Variants in AP3B2 observed in about 807,000 individuals in gnomAD.
AP3B2 encodes the protein adaptor related protein complex 3 subunit beta 2, also known as AP-3 complex subunit beta-2.
A neutral mutation model predicts 126.9 loss-of-function variants in AP3B2; 50 were observed. That is an observed-to-expected ratio of 0.39 (90% confidence interval 0.31 to 0.50). The LOEUF (loss-of-function observed/expected upper bound fraction) is 0.50. AP3B2 is among the 20% of genes least tolerant of loss of function. AP3B2 has a pLI of 0.79. For missense variants in AP3B2, 1,177 were observed against 1,426.4 expected (o/e 0.83, Z 2.82); for synonymous variants, 541 against 565.0 (o/e 0.96, Z 0.60).
chr15:82,690,361 G>A (rs1001143423), intron 1 of AP3B2, among the ~76,000 whole-genome samples: 15 of 151,412 alleles, frequency 9.9e-5, no homozygotes, highest in East Asian at 5.8e-4. Context: ...CCATTAATTC[G>A]TCATTTACAT....
intron 1 of AP3B2, among the ~76,000 whole-genome samples, chr15:82,700,953 C>T (rs574883095): frequency 7.2e-5 from 11 of 151,748 alleles, no homozygotes; most frequent in South Asian, 2.1e-4. Flanking sequence ...CTCCACCTCC[C>T]GGGTTCATGT....
chr15:82,673,903 T>G (rs2048199633), intron 14 of AP3B2, among the ~76,000 whole-genome samples: 2 of 152,226 alleles, frequency 1.3e-5, no homozygotes, highest in Non-Finnish European at 2.9e-5. Flanking sequence ...CAGACCCTCC[T>G]GCCACACATC....
rs892974414 is a variant in AP3B2 at position 82,659,303 on chromosome 15, G to T, written c.*257C>A. The T allele has an allele frequency of 1.8e-5, 8 of 433,770 alleles. No homozygotes were observed. Among genetic ancestry groups the T allele is most frequent in the African/African-American group, 1.6e-4 (8 of 50,774 alleles). 26.9% of individuals were successfully genotyped at this position (433,770 alleles called of 1,614,324 possible). ...AGCTAGAGAGAAGACATTTTATTGA[G>T]CCTGCTACATAAATAGCTACAGAAA... On this transcript the variant is annotated 3_prime_UTR_variant, in exon 27 of 27. Coordinates refer to ENST00000535359, the MANE Select transcript of AP3B2 (RefSeq NM_001278512.2).
chr15:82,677,955 T>A, intron 11 of AP3B2, 150 bp downstream of exon 11: 1 of 1,351,388 alleles, frequency 7.4e-7, no homozygotes, highest in Non-Finnish European at 1.0e-6. Flanking sequence ...CAGTGATTCC[T>A]TGGCCCAAAG....
intron 1 of AP3B2, among the ~76,000 whole-genome samples, chr15:82,690,253 CT>C (rs544208906): frequency 4.4e-4 from 64 of 145,570 alleles, no homozygotes; most frequent in Admixed American, 1.6e-3. Context: ...AATTACTAAA[CT>C]TTTTTTTTTT....
chr15:82,700,310 C>T (rs1002027559), intron 1 of AP3B2, among the ~76,000 whole-genome samples: 6 of 151,524 alleles, frequency 4.0e-5, no homozygotes, highest in African/African-American at 1.5e-4. Context: ...CCCGCAACCC[C>T]TGTGTCTATC....
At position 82,665,201 on chromosome 15, in the gene AP3B2, C is replaced by T; in HGVS notation, c.2028+46G>A. On this transcript the variant is annotated intron_variant, in intron 17 of 26. Transcript: ENST00000535359. This position sits in a 1 kb window ranked among gnomAD's most constrained non-coding sequence, Gnocchi z 4.4. Reference sequence around the variant, plus strand: ...ACAACACACAGGGGAAGAAGAGGGACACAGACAGGGCAGGGGAGAGAGCAC... The same window carrying T: ...ACAACACACAGGGGAAGAAGAGGGATACAGACAGGGCAGGGGAGAGAGCAC... The T allele has an allele frequency of 6.6e-7, 1 of 1,524,076 alleles. No homozygotes were observed. The highest frequency in any genetic ancestry group is 8.8e-7 in the Non-Finnish European group (1 of 1,135,494). The allele number at this position is 1,524,076 out of a possible 1,614,324, so 94.4% of individuals were successfully genotyped here.
At chr15:82,672,144 T>C (rs2048169805) in intron 14 of AP3B2, among the ~76,000 whole-genome samples, 1 of 152,244 alleles carries the variant, frequency 6.6e-6, no homozygotes, top group Non-Finnish European at 1.5e-5. Context: ...ATTGAAGTTA[T>C]ATCTGCACAC....
intron 1 of AP3B2, among the ~76,000 whole-genome samples, chr15:82,708,291 A>C (rs757767847): frequency 3.5e-5 from 5 of 144,290 alleles, no homozygotes; most frequent in Non-Finnish European, 6.0e-5. Context: ...GTCCCACCCC[A>C]TTTCCCTTCG....
At chr15:82,666,611 AAGG>A in intron 15 of AP3B2, 133 bp downstream of exon 15, 2 of 942,004 alleles carry the variant, frequency 2.1e-6, no homozygotes, top group Non-Finnish European at 1.5e-6. Flanking sequence ...GGAGGGACAA[AAGG>A]AGTGAGCCAG....
At chr15:82,688,578 T>A (rs1199406695) in intron 4 of AP3B2, 158 bp downstream of exon 4, 1 of 733,506 alleles carries the variant, frequency 1.4e-6, no homozygotes, top group Non-Finnish European at 2.4e-6. Context: ...TCTCTGAGGG[T>A]CTGGCTGGCC....
intron 4 of AP3B2, among the ~76,000 whole-genome samples, chr15:82,682,470 A>C (rs1464224884): frequency 1.3e-5 from 2 of 152,178 alleles, no homozygotes; most frequent in Admixed American, 1.3e-4. Flanking sequence ...AGCAGCAGCT[A>C]TATATTACAG....
At position 82,697,008 on chromosome 15, in the gene AP3B2, A is replaced by C. The variant is rs2048638951; in HGVS notation, c.114-7555T>G. 2.0e-5 allele frequency among the ~76,000 whole-genome samples: 3 copies of C among 152,188 alleles called. No individual in the cohort carries two copies. In the South Asian group the frequency reaches 6.2e-4, roughly 32 times the overall value. ...CCACAGCTTTGACCCAGGCACAAGA[A>C]CCCAGCTTGAGAAATATCACAGTGA... On this transcript the variant is annotated intron_variant, in intron 1 of 26. Transcript: ENST00000535359.
chr15:82,696,877 T>C (rs1243813210), intron 1 of AP3B2, among the ~76,000 whole-genome samples: 1 of 152,194 alleles, frequency 6.6e-6, no homozygotes, highest in Non-Finnish European at 1.5e-5. Context: ...GATAGAATTG[T>C]GTGAAACTGA....
Position 82,680,385 on chromosome 15 carries a change from G to C in AP3B2, c.1055+87C>G, listed in dbSNP as rs1168214333. On this transcript the variant is annotated intron_variant, in intron 8 of 26. Coordinates refer to ENST00000535359, the MANE Select transcript of AP3B2 (RefSeq NM_001278512.2). The surrounding 1 kb of genome is among the most constrained non-coding windows in gnomAD (Gnocchi z 6.1). ...GAGCGGGTGGGCAGAGGTGGAAGCGGCTGGTGGGCGTGAGGGGGCGGAGCC... is the reference window on the plus strand; with the variant it reads ...GAGCGGGTGGGCAGAGGTGGAAGCGCCTGGTGGGCGTGAGGGGGCGGAGCC... 1 of 1,453,712 alleles carries C rather than the reference G, an allele frequency of 6.9e-7. No homozygotes were observed. Among genetic ancestry groups the C allele is most frequent in the South Asian group, 1.4e-5 (1 of 73,646 alleles). 90.1% of individuals were successfully genotyped at this position (1,453,712 alleles called of 1,614,324 possible).
rs367638774 is a variant in AP3B2, at chr15:82,659,602, G to C, written c.3264C>G (p.Gly1088=). 1.2e-6 allele frequency: 2 copies of C among 1,613,932 alleles called. No homozygotes were observed. The highest frequency in any genetic ancestry group is 1.7e-6 in the Non-Finnish European group (2 of 1,179,878). Residue 1088 remains glycine, a synonymous_variant, in exon 27 of 27, where the codon GGC becomes GGG. Transcript: ENST00000535359. Reference sequence around the variant, plus strand: ...GTATCACATCCTTTACCAGCATGGTGCCAATCACCATTTTCTCGCTGTTGA... The same window carrying C: ...GTATCACATCCTTTACCAGCATGGTCCCAATCACCATTTTCTCGCTGTTGA... ...LTVNSEKMVI[G]TMLVKDVIQA...
chr15:82,663,735 C>T (rs1189563736), intron 20 of AP3B2, 66 bp downstream of exon 20: 1 of 1,597,532 alleles, frequency 6.3e-7, no homozygotes, highest in Non-Finnish European at 8.5e-7. Context: ...ATGTCTGGGC[C>T]TGGCCCAGAG....
Position 82,664,309 on chromosome 15 carries a change from C to G in AP3B2, c.2261+58G>C. The G allele has an allele frequency of 6.2e-7, 1 of 1,610,996 alleles. No individual in the cohort carries two copies. The highest frequency in any genetic ancestry group is 1.7e-5 in the Admixed American group (1 of 60,004). ...AGACTGGCTAAAGCTCAATGCTAGC[C>G]CTCTTTCCAGGAAAGCCCCCTGAAC... On this transcript the variant is annotated intron_variant, in intron 19 of 26. Transcript: ENST00000535359. The surrounding 1 kb of genome is among the most constrained non-coding windows in gnomAD (Gnocchi z 4.5).
At position 82,663,113 on chromosome 15, in the gene AP3B2, T is replaced by G. The variant is rs770329227; in HGVS notation, c.2604+14A>C. Reference sequence around the variant, plus strand: ...TCCCTGCCCCAGCCCGGTCCCCTCCTCCATCCCACTCACCGACGGTACCAG... The same window carrying G: ...TCCCTGCCCCAGCCCGGTCCCCTCCGCCATCCCACTCACCGACGGTACCAG... On this transcript the variant is annotated intron_variant, in intron 22 of 26. Coordinates refer to ENST00000535359, the MANE Select transcript of AP3B2 (RefSeq NM_001278512.2). 98 of 1,599,654 alleles carry G rather than the reference T, an allele frequency of 6.1e-5. No homozygotes were observed. The highest frequency in any genetic ancestry group is 8.4e-5 in the Non-Finnish European group (98 of 1,172,482).
Sources: gnomAD v4.1 joint callset for allele counts (sites outside exome capture counted in the v4.1 genomes callset) on GRCh38, gnomAD v4.1.1 for gene constraint, Gnocchi (gnomAD v3.1) non-coding constraint, MANE v1.5 for transcripts, NCBI Gene and HGNC (gene_info 2026-07-23, HGNC 2026-07-21) for gene names.